Variants in LHPP observed in about 807,000 individuals in gnomAD.
The protein encoded by LHPP is phospholysine phosphohistidine inorganic pyrophosphate phosphatase.
Under a neutral mutation model 30.3 loss-of-function variants are expected in LHPP, and 24 were observed. The observed-to-expected ratio is 0.79, with a 90% CI of 0.57 to 1.11. The LOEUF (loss-of-function observed/expected upper bound fraction) is 1.11. Among genes scored for constraint, LHPP ranks in the 50% most tolerant of loss-of-function variants. The pLI is 0.00. For synonymous variants in LHPP, 150 were observed against 157.1 expected, an observed-to-expected ratio of 0.95 and a Z score of 0.34; for missense variants, 356 against 367.2, an observed-to-expected ratio of 0.97 and a Z score of 0.25.
At position 124,593,822 on chromosome 10, in the gene LHPP, A is replaced by G. The variant is rs78199348; in HGVS notation, c.717-19442A>G. ...TGACCGAGGGTGTCCCTTACTCCAT[A>G]AGGTACTGATATGGTCTGCGGAGCA... is the stretch of plus-strand genomic sequence containing the variant. On this transcript the variant is annotated intron_variant, in intron 6 of 6. Coordinates refer to ENST00000368842, the MANE Select transcript of LHPP (RefSeq NM_022126.4). This position sits in a 1 kb window ranked among gnomAD's most constrained non-coding sequence, Gnocchi z 4.9. Among the ~76,000 whole-genome samples the G allele has an allele frequency of 3.5e-3, 527 of 152,268 alleles. 4 individuals carry two copies. The highest frequency in any genetic ancestry group is 0.012 in the African/African-American group (505 of 41,554).
At chr10:124,521,120 C>T (rs1226835004) in intron 6 of LHPP, among the ~76,000 whole-genome samples, 5 of 152,132 alleles carry the variant, frequency 3.3e-5, no homozygotes, top group Admixed American at 1.3e-4. Context: ...GCTGGAGGGG[C>T]GTGGGGTCCT....
At chr10:124,603,682 C>T (rs1374987213) in intron 6 of LHPP, among the ~76,000 whole-genome samples, 2 of 152,210 alleles carry the variant, frequency 1.3e-5, no homozygotes, top group East Asian at 1.9e-4. Context: ...GCCCTCGCCT[C>T]GGCACTGATG....
chr10:124,557,664 A>C (rs1013179462), intron 6 of LHPP, among the ~76,000 whole-genome samples: 1 of 152,098 alleles, frequency 6.6e-6, no homozygotes, highest in Non-Finnish European at 1.5e-5. Flanking sequence ...CTGGGGATGA[A>C]GCCTCCCATG....
At chr10:124,498,010 T>G in intron 4 of LHPP, 26 bp from the exon 5 acceptor site, 1 of 1,584,924 alleles carries the variant, frequency 6.3e-7, no homozygotes, top group Non-Finnish European at 8.7e-7. Context: ...CCCAAACTTA[T>G]GCCATGTCCC....
intron 6 of LHPP, among the ~76,000 whole-genome samples, chr10:124,519,406 C>G (rs1052118471): frequency 6.6e-6 from 1 of 152,168 alleles, no homozygotes; most frequent in African/African-American, 2.4e-5. Context: ...TTTATGGCCT[C>G]TTTCTACAAG....
At chr10:124,477,112 A>G (rs1186784082) in intron 1 of LHPP, among the ~76,000 whole-genome samples, 1 of 152,196 alleles carries the variant, frequency 6.6e-6, no homozygotes, top group African/African-American at 2.4e-5. Flanking sequence ...TTGAGGCAGG[A>G]GAATCGCTTG....
Position 124,613,615 on chromosome 10 carries a change from C to T in LHPP, c.*255C>T, listed in dbSNP as rs1949232283. The stretch of plus-strand genomic sequence containing the variant: ...TGGGTGGCCTGCTCCCCTGCCTGGG[C>T]CCTGACTTCAGCTCCCTGTAGTGAA... On this transcript the variant is annotated 3_prime_UTR_variant, in exon 7 of 7. Coordinates refer to ENST00000368842, the MANE Select transcript of LHPP (RefSeq NM_022126.4). The T allele has an allele frequency of 1.8e-6, 1 of 558,580 alleles. No individual in the cohort carries two copies. Among genetic ancestry groups the T allele is most frequent in the South Asian group, 2.0e-5 (1 of 49,596 alleles). The allele number at this position is 558,580 out of a possible 1,614,324, so 34.6% of individuals were successfully genotyped here. A position where few individuals can be genotyped will look rare whatever the true frequency, so the allele number is the denominator to read the frequency against.
chr10:124,578,161 C>A (rs1376507328), intron 6 of LHPP, among the ~76,000 whole-genome samples: 1 of 152,212 alleles, frequency 6.6e-6, no homozygotes, highest in Non-Finnish European at 1.5e-5. Context: ...CCACCACATG[C>A]TGTCACCTCC....
rs1190430106 is a variant in LHPP, at chr10:124,502,667, C to CTTT, written c.624+4561_624+4563dup. Among the ~76,000 whole-genome samples the CTTT allele has an allele frequency of 8.9e-3, 638 of 71,334 alleles. 7 individuals are homozygous for CTTT. Among genetic ancestry groups the CTTT allele is most frequent in the African/African-American group, 0.012 (188 of 16,060 alleles). The allele number at this position is 71,334 out of a possible 152,430, so 46.8% of individuals were successfully genotyped here. A position where few individuals can be genotyped will look rare whatever the true frequency, so the allele number is the denominator to read the frequency against. On this transcript the variant is annotated intron_variant, in intron 5 of 6. Coordinates refer to ENST00000368842, the MANE Select transcript of LHPP (RefSeq NM_022126.4). ...ACAGACGTGAGCCACCACGCCCAGC[C>CTTT]TTTTTTTTTTTTTTTTTTTTTTTTG... is the stretch of plus-strand genomic sequence containing the variant.
At chr10:124,509,182 TG>T (rs1260626160) in intron 5 of LHPP, among the ~76,000 whole-genome samples, 1 of 152,234 alleles carries the variant, frequency 6.6e-6, no homozygotes, top group Non-Finnish European at 1.5e-5. Flanking sequence ...GTTCCATCCC[TG>T]TAGCTGCAAA....
rs753547749 is a variant in LHPP, at chr10:124,590,800, G to A, written c.717-22464G>A. The stretch of plus-strand genomic sequence containing the variant: ...CCTGCTTCTCTGTCCACAAAACAAA[G>A]ACTAGATAATTAGAGTGCACACTTG... On this transcript the variant is annotated intron_variant, in intron 6 of 6. Coordinates refer to ENST00000368842, the MANE Select transcript of LHPP (RefSeq NM_022126.4). This position sits in a 1 kb window ranked among gnomAD's most constrained non-coding sequence, Gnocchi z 4.3. Among the ~76,000 whole-genome samples the A allele has an allele frequency of 2.4e-4, 36 of 152,174 alleles. No homozygotes were observed. The highest frequency in any genetic ancestry group is 4.1e-4 in the South Asian group (2 of 4,820).
At chr10:124,526,146 C>T (rs1448605842) in intron 6 of LHPP, 3 of 984,560 alleles carry the variant, frequency 3.0e-6, no homozygotes, top group South Asian at 9.4e-5. Context: ...TCTCTTCTCC[C>T]TAGAGCCGCT....
chr10:124,470,503 A>C (rs1405396781), intron 1 of LHPP, among the ~76,000 whole-genome samples: 1 of 152,060 alleles, frequency 6.6e-6, no homozygotes, highest in Non-Finnish European at 1.5e-5. Flanking sequence ...GGTGCCTCCT[A>C]GTAGGTCTGG....
At chr10:124,589,587 A>G (rs17152066) in intron 6 of LHPP, among the ~76,000 whole-genome samples, 3 of 152,124 alleles carry the variant, frequency 2.0e-5, no homozygotes, top group African/African-American at 7.2e-5. Flanking sequence ...AGCAGGGGTC[A>G]GGCTCAGTGC....
chr10:124,498,471 A>C, intron 5 of LHPP: 1 of 1,472,150 alleles, frequency 6.8e-7, no homozygotes, highest in Non-Finnish European at 9.0e-7. Context: ...GCAAGATTAC[A>C]ACAATATGGA....
At chr10:124,474,899 G>C (rs964553435) in intron 1 of LHPP, among the ~76,000 whole-genome samples, 1 of 152,044 alleles carries the variant, frequency 6.6e-6, no homozygotes, top group Non-Finnish European at 1.5e-5. Context: ...TCCTTCCCAG[G>C]GCACCTGGCT....
chr10:124,493,843 G>A (rs1056572948), intron 3 of LHPP: 2 of 151,996 alleles, frequency 1.3e-5, no homozygotes, highest in Admixed American at 6.6e-5. Context: ...GGAGATTACC[G>A]GGCCTTTATA....
In LHPP at chr10:124,523,772, C is replaced by G. The variant is rs1954666922; in HGVS notation, c.716+6501C>G. Among the ~76,000 whole-genome samples the G allele has an allele frequency of 6.6e-6, 1 of 152,178 alleles. No individual in the cohort carries two copies. The highest frequency in any genetic ancestry group is 1.5e-5 in the Non-Finnish European group (1 of 68,044). Reference sequence around the variant, plus strand: ...GCCAGCCCCGGTGGAGAGAAAGGGCCAGTGCTGGGCTTGGGAGCTCACCCC... The same window carrying G: ...GCCAGCCCCGGTGGAGAGAAAGGGCGAGTGCTGGGCTTGGGAGCTCACCCC... On this transcript the variant is annotated intron_variant, in intron 6 of 6. Coordinates refer to ENST00000368842, the MANE Select transcript of LHPP (RefSeq NM_022126.4). This position sits in a 1 kb window ranked among gnomAD's most constrained non-coding sequence, Gnocchi z 4.2.
chr10:124,600,245 G>A (rs1239609124), intron 6 of LHPP, among the ~76,000 whole-genome samples: 1 of 152,252 alleles, frequency 6.6e-6, no homozygotes, highest in African/African-American at 2.4e-5. Flanking sequence ...TGGGTTGCTG[G>A]TTTGGCGCAG....
Sources: allele counts gnomAD v4.1 joint callset (sites outside exome capture counted in the v4.1 genomes callset), GRCh38; gene constraint gnomAD v4.1.1; non-coding constraint Gnocchi (gnomAD v3.1); transcripts MANE v1.5; gene names NCBI Gene and HGNC (gene_info 2026-07-23, HGNC 2026-07-21).